The following PTPRN2 variants were observed in gnomAD, a reference collection of about 807,000 sequenced individuals.
PTPRN2 encodes the protein protein tyrosine phosphatase receptor type N2.
Under a neutral mutation model 118.8 loss-of-function variants are expected in PTPRN2, and 74 were observed. The observed-to-expected ratio is 0.62, with a 90% CI of 0.52 to 0.76. The LOEUF (loss-of-function observed/expected upper bound fraction) is 0.76. PTPRN2 is among the 30% of genes least tolerant of loss of function. The pLI, the probability that PTPRN2 is intolerant of heterozygous loss-of-function variation, is 0.00. For synonymous variants in PTPRN2, 641 were observed against 608.0 expected, an observed-to-expected ratio of 1.05 and a Z score of -0.80; for missense variants, 1,481 against 1,394.4, an observed-to-expected ratio of 1.06 and a Z score of -0.99.
intron 1 of PTPRN2, among the ~76,000 whole-genome samples, chr7:158,494,414 A>G (rs560478316): frequency 1.3e-5 from 2 of 152,360 alleles, no homozygotes; most frequent in Admixed American, 6.5e-5. Context: ...GCCTTCTGAA[A>G]TGTGTGCTAC....
At chr7:158,226,922 C>T (rs530153033) in intron 3 of PTPRN2, among the ~76,000 whole-genome samples, 26 of 152,130 alleles carry the variant, frequency 1.7e-4, no homozygotes, top group Admixed American at 6.5e-4. Context: ...TGGATCCAGG[C>T]GACAGGCTGT....
intron 22 of PTPRN2, among the ~76,000 whole-genome samples, chr7:157,545,014 T>C (rs1798215458): frequency 6.7e-6 from 1 of 148,754 alleles, no homozygotes; most frequent in African/African-American, 2.5e-5. Flanking sequence ...CATGACTGTG[T>C]GTGGGTGTGC....
chr7:158,026,691 A>T (rs1467656295), intron 11 of PTPRN2, among the ~76,000 whole-genome samples: 1 of 152,106 alleles, frequency 6.6e-6, no homozygotes, highest in African/African-American at 2.4e-5. Flanking sequence ...CCACTGTTTC[A>T]AAGCTGCCCC....
In PTPRN2 at chr7:158,037,605, T is replaced by C. The variant is rs151023091; in HGVS notation, c.1723+43693A>G. 2.3e-3 allele frequency among the ~76,000 whole-genome samples: 349 copies of C among 152,384 alleles called. 1 individual carries two copies. The highest frequency in any genetic ancestry group is 8.1e-3 in the African/African-American group (337 of 41,588). ...AAGGTATAGTTAAAGTATGTGATTA[T>C]AATCTTAGGAGACCACCCTCATGTA... On this transcript the variant is annotated intron_variant, in intron 11 of 22. Coordinates refer to ENST00000389418, the MANE Select transcript of PTPRN2 (RefSeq NM_002847.5).
intron 15 of PTPRN2, among the ~76,000 whole-genome samples, chr7:157,612,759 T>C (rs969316504): frequency 1.3e-5 from 2 of 152,166 alleles, no homozygotes; most frequent in Non-Finnish European, 2.9e-5. Context: ...TGGGCAGGTG[T>C]GGAAAACGCC....
intron 5 of PTPRN2, among the ~76,000 whole-genome samples, chr7:158,181,208 TTGTTTTTAAC>T (rs1223724526): frequency 1.3e-5 from 2 of 152,196 alleles, no homozygotes; most frequent in Non-Finnish European, 2.9e-5. Context: ...CGTATGGTGT[TTGTTTTTAAC>T]TGTTTATGTG....
intron 3 of PTPRN2, among the ~76,000 whole-genome samples, chr7:158,262,544 C>T (rs922329658): frequency 2.2e-4 from 32 of 147,080 alleles, no homozygotes; most frequent in African/African-American, 8.1e-4. Context: ...TACACACATT[C>T]ACACACTGCA....
rs990319435 is a variant in PTPRN2 at position 157,974,300 on chromosome 7, C to T, written c.1724-75563G>A. ...TGTCAATGGTGCCACTCCAGCCGGG[C>T]CACCCTGCCCACAAGGTCTTCCACG... On this transcript the variant is annotated intron_variant, in intron 11 of 22. Transcript: ENST00000389418. The surrounding 1 kb of genome is among the most constrained non-coding windows in gnomAD (Gnocchi z 4.0). Among the ~76,000 whole-genome samples, 16 of 152,222 alleles carry T rather than the reference C, an allele frequency of 1.1e-4. No individual in the cohort carries two copies. Among genetic ancestry groups the T allele is most frequent in the Admixed American group, 9.8e-4 (15 of 15,286 alleles).
chr7:158,556,580 A>G (rs1423513846), intron 1 of PTPRN2, among the ~76,000 whole-genome samples: 1 of 152,054 alleles, frequency 6.6e-6, no homozygotes, highest in African/African-American at 2.4e-5. Context: ...TAGATTAGAA[A>G]GATAAGTTAT....
rs985038671 is a variant in PTPRN2, at chr7:158,438,002, G to A, written c.163+51733C>T. Among the ~76,000 whole-genome samples the A allele has an allele frequency of 2.0e-5, 3 of 152,258 alleles. No homozygotes were observed. The highest frequency in any genetic ancestry group is 3.9e-4 in the East Asian group (2 of 5,188). ...CTTGCCTGGTTTCTCAGCCTCTTTC[G>A]ACAGGAATCACAAATGCCCCCAGGA... On this transcript the variant is annotated intron_variant, in intron 2 of 22. Coordinates refer to ENST00000389418, the MANE Select transcript of PTPRN2 (RefSeq NM_002847.5). This position sits in a 1 kb window ranked among gnomAD's most constrained non-coding sequence, Gnocchi z 4.7.
chr7:157,567,097 A>T (rs1799523845), intron 21 of PTPRN2, among the ~76,000 whole-genome samples: 5 of 152,242 alleles, frequency 3.3e-5, no homozygotes, highest in Admixed American at 3.3e-4. Context: ...TGATAAGTGG[A>T]GAAATACAAA....
At chr7:157,875,450 G>A (rs1197691816) in intron 12 of PTPRN2, among the ~76,000 whole-genome samples, 6 of 152,202 alleles carry the variant, frequency 3.9e-5, no homozygotes, top group African/African-American at 7.2e-5. Context: ...TGGCAGCCAC[G>A]GAAGCTGCAA....
At chr7:157,798,543 G>A (rs1240027927) in intron 12 of PTPRN2, among the ~76,000 whole-genome samples, 2 of 151,530 alleles carry the variant, frequency 1.3e-5, no homozygotes, top group Non-Finnish European at 2.9e-5. Flanking sequence ...GGACACACAC[G>A]GACACACACA....
chr7:158,060,091 C>G (rs7385737), intron 11 of PTPRN2, among the ~76,000 whole-genome samples: 5 of 101,892 alleles, frequency 4.9e-5, no homozygotes, highest in African/African-American at 2.5e-4. Flanking sequence ...CTCCATCTGC[C>G]CACGGTGACA....
In PTPRN2 at chr7:157,544,092, A is replaced by AGAGAGACGGAGAGAGGTGG. The variant is rs1563198717; in HGVS notation, c.2977-3308_2977-3307insCCACCTCTCTCCGTCTCTC. Among the ~76,000 whole-genome samples, 245 of 81,990 alleles carry AGAGAGACGGAGAGAGGTGG rather than the reference A, an allele frequency of 3.0e-3. 1 individual carries two copies. Among genetic ancestry groups the AGAGAGACGGAGAGAGGTGG allele is most frequent in the African/African-American group, 0.011 (232 of 20,830 alleles). The allele number at this position is 81,990 out of a possible 152,430, so 53.8% of individuals were successfully genotyped here. ...AGGTGGAGAGAGACGGAGAGAGGTG[A>AGAGAGACGGAGAGAGGTGG]AGAGAGGCGGAGAGAGGTGGAGAGA... On this transcript the variant is annotated intron_variant, in intron 22 of 22. Transcript: ENST00000389418.
chr7:158,495,305 G>A (rs1186136314), intron 1 of PTPRN2, among the ~76,000 whole-genome samples: 4 of 152,190 alleles, frequency 2.6e-5, no homozygotes, highest in Non-Finnish European at 4.4e-5. Flanking sequence ...AAAGGAAGGT[G>A]CAGTGTTTGA....
chr7:157,689,524 G>C (rs1266218518), intron 12 of PTPRN2, among the ~76,000 whole-genome samples: 1 of 152,220 alleles, frequency 6.6e-6, no homozygotes, highest in Non-Finnish European at 1.5e-5. Context: ...GACTCTCTCC[G>C]GCCCTAAAAG....
chr7:157,630,048 A>G (rs1803844913), intron 14 of PTPRN2, among the ~76,000 whole-genome samples: 2 of 152,228 alleles, frequency 1.3e-5, no homozygotes, highest in Admixed American at 1.3e-4. Flanking sequence ...TTCATGTTAA[A>G]TTTTTGAATT....
Position 157,869,218 on chromosome 7 carries a change from C to A in PTPRN2, c.1788+29455G>T, listed in dbSNP as rs1044650049. 6.6e-6 allele frequency: 1 copy of A among 152,132 alleles called. No individual in the cohort carries two copies. The highest frequency in any genetic ancestry group is 1.9e-4 in the East Asian group (1 of 5,182). 9.4% of individuals were successfully genotyped at this position (152,132 alleles called of 1,614,324 possible). The stretch of plus-strand genomic sequence containing the variant: ...AGCGTGTGCTTAGGTACTTGCAGAG[C>A]CTCCCAGCATGGGAGGTCTGGGTAG... On this transcript the variant is annotated intron_variant, in intron 12 of 22. Transcript: ENST00000389418. The surrounding 1 kb of genome is among the most constrained non-coding windows in gnomAD (Gnocchi z 4.2).
Sources: gnomAD v4.1 joint callset for allele counts (sites outside exome capture counted in the v4.1 genomes callset) on GRCh38, gnomAD v4.1.1 for gene constraint, Gnocchi (gnomAD v3.1) non-coding constraint, MANE v1.5 for transcripts, NCBI Gene and HGNC (gene_info 2026-07-23, HGNC 2026-07-21) for gene names.